Variants in SH2D4A observed in about 807,000 individuals in gnomAD.
SH2D4A encodes SH2 domain containing 4A.
SH2D4A carries 70 observed loss-of-function variants against 64.7 expected under a neutral mutation model. The observed-to-expected ratio is 1.08, with a 90% CI of 0.89 to 1.32. The LOEUF (loss-of-function observed/expected upper bound fraction) is 1.32, where lower values mean the gene tolerates loss of function less well. Ranked by LOEUF, SH2D4A falls within the 40% of genes most tolerant of loss-of-function variation. SH2D4A has a pLI of 0.00. For missense variants in SH2D4A, 706 were observed against 540.1 expected (o/e 1.31, Z -3.04); for synonymous variants, 268 against 200.7 (o/e 1.34, Z -2.83).
chr8:19,364,341 T>C (rs1456285070), intron 7 of SH2D4A, 59 bp downstream of exon 7: 2 of 1,580,128 alleles, frequency 1.3e-6, no homozygotes. Context: ...TGAATAAGCG[T>C]TGAAATTAAA....
At chr8:19,335,749 C>T (rs566066924) in intron 4 of SH2D4A, among the ~76,000 whole-genome samples, 1 of 152,234 alleles carries the variant, frequency 6.6e-6, no homozygotes, top group Admixed American at 6.6e-5. Flanking sequence ...GGGACAGTTA[C>T]CTCCCCAACA....
intron 7 of SH2D4A, among the ~76,000 whole-genome samples, chr8:19,365,126 T>C (rs1563203253): frequency 6.6e-6 from 1 of 152,218 alleles, no homozygotes; most frequent in Non-Finnish European, 1.5e-5. Context: ...TCTAAGATTA[T>C]GGAGAAATGA....
At chr8:19,352,617 A>G (rs1359577492) in intron 4 of SH2D4A, among the ~76,000 whole-genome samples, 1 of 152,182 alleles carries the variant, frequency 6.6e-6, no homozygotes, top group Non-Finnish European at 1.5e-5. Context: ...TATGCGTAAG[A>G]GCATACATAT....
intron 1 of SH2D4A, among the ~76,000 whole-genome samples, chr8:19,316,021 G>T (rs2052081365): frequency 1.3e-5 from 2 of 152,214 alleles, no homozygotes; most frequent in Non-Finnish European, 2.9e-5. Context: ...GTTGAGGCTG[G>T]AGTGCCTCTG....
intron 8 of SH2D4A, among the ~76,000 whole-genome samples, chr8:19,384,345 T>C (rs1013003612): frequency 1.3e-5 from 2 of 152,184 alleles, no homozygotes; most frequent in African/African-American, 2.4e-5. Flanking sequence ...AGTCTTAGCA[T>C]TGCTAAAGGA....
In SH2D4A at chr8:19,362,920, T is replaced by A. The variant is rs1322869484; in HGVS notation, c.707-1152T>A. On this transcript the variant is annotated intron_variant, in intron 6 of 9. Transcript: ENST00000265807. ...CATCAGTGTGTAGTAATGTCCTAGG[T>A]CTTAACATTCACTGAGCACTCACTC... is the stretch of plus-strand genomic sequence containing the variant. 2.6e-5 allele frequency among the ~76,000 whole-genome samples: 4 copies of A among 152,168 alleles called. No individual in the cohort carries two copies. In the East Asian group the frequency reaches 5.8e-4, roughly 22 times the overall value.
rs143302845 is a variant in SH2D4A, at chr8:19,393,361, A to C, written c.1092A>C (p.Thr364=). ...LKKANELLLS[T]GMPGSFLIRV... ...AAGCAAATGAACTTCTTCTGAGCAC[A>C]GGCATGCCCGGCAGTTTTCTCATCC... Residue 364 remains threonine, a synonymous_variant, in exon 9 of 10, where the codon ACA becomes ACC. Transcript: ENST00000265807. The C allele has an allele frequency of 1.2e-6, 2 of 1,614,096 alleles. No individual in the cohort carries two copies. The highest frequency in any genetic ancestry group is 1.7e-6 in the Non-Finnish European group (2 of 1,179,926).
chr8:19,316,813 A>G (rs2052096260), intron 1 of SH2D4A, among the ~76,000 whole-genome samples: 1 of 152,198 alleles, frequency 6.6e-6, no homozygotes. Flanking sequence ...GCCGCTTACC[A>G]GCTGCTGACC....
chr8:19,379,036 C>G (rs1037569025), intron 8 of SH2D4A, among the ~76,000 whole-genome samples: 3 of 148,268 alleles, frequency 2.0e-5, no homozygotes, highest in Admixed American at 6.7e-5. Context: ...GAGCCAAGAT[C>G]ACGCCATGCA....
At chr8:19,314,823 A>G (rs1409261067) in intron 1 of SH2D4A, among the ~76,000 whole-genome samples, 1 of 152,210 alleles carries the variant, frequency 6.6e-6, no homozygotes, top group African/African-American at 2.4e-5. Context: ...AAATTTCTGA[A>G]GAATAGTATA....
chr8:19,382,865 C>G (rs1265832484), intron 8 of SH2D4A, among the ~76,000 whole-genome samples: 2 of 104,042 alleles, frequency 1.9e-5, no homozygotes, highest in Non-Finnish European at 3.8e-5. Context: ...GGGTCTCACT[C>G]TGTCATCCTG....
chr8:19,373,398 C>A, intron 7 of SH2D4A, 132 bp from the exon 8 acceptor site: 1 of 469,448 alleles, frequency 2.1e-6, no homozygotes, highest in Non-Finnish European at 3.4e-6. Flanking sequence ...CCTCTGGTGT[C>A]TACAGACATG....
At chr8:19,347,928 A>C (rs1253406387) in intron 4 of SH2D4A, among the ~76,000 whole-genome samples, 1 of 152,156 alleles carries the variant, frequency 6.6e-6, no homozygotes, top group Non-Finnish European at 1.5e-5. Flanking sequence ...ACATGCACAC[A>C]CAACACACGT....
intron 4 of SH2D4A, among the ~76,000 whole-genome samples, chr8:19,343,677 C>T (rs2052564839): frequency 6.6e-6 from 1 of 152,162 alleles, no homozygotes; most frequent in Non-Finnish European, 1.5e-5. Flanking sequence ...CACTGTTGGG[C>T]TTGTTGGGCT....
intron 2 of SH2D4A, among the ~76,000 whole-genome samples, chr8:19,329,751 T>C (rs2052341409): frequency 6.6e-6 from 1 of 152,220 alleles, no homozygotes; most frequent in Non-Finnish European, 1.5e-5. Context: ...GTTTCCACTT[T>C]TGCATCTTTC....
chr8:19,363,053 C>A (rs574305049), intron 6 of SH2D4A, among the ~76,000 whole-genome samples: 78 of 151,936 alleles, frequency 5.1e-4, no homozygotes, highest in African/African-American at 1.9e-3. Flanking sequence ...TTTTACTATA[C>A]CTTTGCTATG....
intron 8 of SH2D4A, 35 bp downstream of exon 8, chr8:19,373,695 T>G: frequency 6.3e-7 from 1 of 1,598,896 alleles, no homozygotes; most frequent in Admixed American, 1.7e-5. Flanking sequence ...GTGTTTCGTC[T>G]TAGGGCGGAT....
chr8:19,340,601 CTTT>C (rs535915285), intron 4 of SH2D4A, among the ~76,000 whole-genome samples: 11,426 of 100,488 alleles, frequency 0.11, 482 homozygotes, highest in African/African-American at 0.17. Context: ...TTCTTTCTTT[CTTT>C]TTTTTTTTTT....
intron 2 of SH2D4A, among the ~76,000 whole-genome samples, chr8:19,321,924 C>T (rs1377596113): frequency 6.6e-6 from 1 of 152,116 alleles, no homozygotes; most frequent in East Asian, 1.9e-4. Context: ...GCTTACATTT[C>T]TCGCTTGTAG....
Sources: gnomAD v4.1 joint callset for allele counts (sites outside exome capture counted in the v4.1 genomes callset) on GRCh38, gnomAD v4.1.1 for gene constraint, MANE v1.5 for transcripts, NCBI Gene and HGNC (gene_info 2026-07-23, HGNC 2026-07-21) for gene names.